Variants in TRMT2B observed in about 807,000 individuals in gnomAD.
TRMT2B encodes the protein tRNA methyltransferase 2B, also known as tRNA (uracil-5-)-methyltransferase homolog B.
A neutral mutation model predicts 39.7 loss-of-function variants in TRMT2B; 34 were observed. That is an observed-to-expected ratio of 0.86 (90% CI 0.65 to 1.14). The LOEUF (loss-of-function observed/expected upper bound fraction) is 1.14, where lower values mean the gene tolerates loss of function less well. Ranked by LOEUF, TRMT2B falls within the 50% of genes most tolerant of loss-of-function variation. TRMT2B has a pLI of 0.00. For missense variants in TRMT2B, 318 were observed against 377.2 expected (o/e 0.84, Z 1.30); for synonymous variants, 132 against 137.3 (o/e 0.96, Z 0.27).
chrX:101,030,451 A>ATTTTTTTTTT (rs1248355991), intron 7 of TRMT2B, among the ~76,000 whole-genome samples: 6 of 46,566 alleles, frequency 1.3e-4, no homozygotes, highest in Non-Finnish European at 2.4e-4. Flanking sequence ...ATAGATCTGC[A>ATTTTTTTTTT]TTCTTTTTTT....
intron 7 of TRMT2B, among the ~76,000 whole-genome samples, chrX:101,034,696 C>T (rs936707260): frequency 2.7e-5 from 3 of 111,186 alleles, no homozygotes; most frequent in African/African-American, 9.8e-5. Context: ...GGCTTAACTA[C>T]AGAGTGGAAT....
chrX:101,010,294 C>T lies in TRMT2B; in HGVS notation c.*287G>A, dbSNP rs2086196493. On this transcript the variant is annotated 3_prime_UTR_variant, in exon 14 of 14. Coordinates refer to ENST00000372936, the MANE Select transcript of TRMT2B (RefSeq NM_024917.6). ...GGGCATGGTGGCACGCACCTTTAAT[C>T]CTAGCTACTGGGGAAGCTGAGGCAC... 1 of 233,092 alleles carries T rather than the reference C, an allele frequency of 4.3e-6. No individual in the cohort carries two copies. Among genetic ancestry groups the T allele is most frequent in the Non-Finnish European group, 7.8e-6 (1 of 128,647 alleles). The allele number at this position is 233,092 out of a possible 1,213,427, so 19.2% of individuals were successfully genotyped here.
At chrX:100,988,347 CT>C in the TRMT2B span, 3 of 1,204,978 alleles carry the variant, frequency 2.5e-6, no homozygotes, top group East Asian at 5.9e-5. Context: ...CACCAACTAA[CT>C]TTCCCCCCCA....
chrX:101,031,728 C>G (rs1392741889), intron 7 of TRMT2B, among the ~76,000 whole-genome samples: 23 of 102,899 alleles, frequency 2.2e-4, no homozygotes, highest in Non-Finnish European at 4.4e-4. Flanking sequence ...AAAAAAAAAG[C>G]AAATAGAAAG....
intron 2 of TRMT2B, among the ~76,000 whole-genome samples, chrX:101,048,732 A>C (rs937028336): frequency 2.7e-5 from 3 of 112,576 alleles, no homozygotes; most frequent in African/African-American, 9.7e-5. Context: ...GAGCCACCAC[A>C]TTCGGCTGGA....
At chrX:101,009,050 C>A (rs901156926), downstream of TRMT2B, among the ~76,000 whole-genome samples, 2 of 111,434 alleles carry the variant, frequency 1.8e-5, no homozygotes, top group African/African-American at 6.5e-5. Flanking sequence ...TTTTCCTGAG[C>A]CTCTCCTGTG....
Position 101,051,596 on chromosome X carries a change from G to A in TRMT2B, c.-369C>T. On this transcript the variant is annotated 5_prime_UTR_variant, in exon 2 of 14. Transcript: ENST00000372936. Reference sequence around the variant, plus strand: ...AGGGCCCGGGAAGGACAGAAAGTAAGGGAGTGGGAGGAGTTAGGGCACAGG... The same window carrying A: ...AGGGCCCGGGAAGGACAGAAAGTAAAGGAGTGGGAGGAGTTAGGGCACAGG... The A allele has an allele frequency of 1.3e-6, 1 of 754,877 alleles. No individual in the cohort carries two copies. Among genetic ancestry groups the A allele is most frequent in the African/African-American group, 2.3e-5 (1 of 43,970 alleles). 62.2% of individuals were successfully genotyped at this position (754,877 alleles called of 1,213,427 possible).
intron 10 of TRMT2B, among the ~76,000 whole-genome samples, 167 bp from the exon 11 acceptor site, chrX:101,020,755 G>A (rs2086760442): frequency 1.8e-5 from 2 of 111,857 alleles, no homozygotes; most frequent in African/African-American, 6.5e-5. Context: ...CTGCAGCCTC[G>A]ACCTCCCGGG....
chrX:100,981,569 C>G, the TRMT2B span, among the ~76,000 whole-genome samples: 1 of 106,093 alleles, frequency 9.4e-6, no homozygotes, highest in Non-Finnish European at 1.9e-5. Flanking sequence ...TTTGAGAGGC[C>G]AAGGCAGGCA....
rs754154431 is a variant in TRMT2B, at chrX:101,046,866, C to T, written c.-24+4385G>A. On this transcript the variant is annotated intron_variant, in intron 2 of 13. Transcript: ENST00000372936. ...GCTTGAACCCGGGAGGTGGAGGTTG[C>T]GGTGAGCCGAGATCACGCCATTGCA... Among the ~76,000 whole-genome samples, 5 of 110,758 alleles carry T rather than the reference C, an allele frequency of 4.5e-5. No homozygotes were observed. In the South Asian group the frequency reaches 1.9e-3, roughly 43 times the overall value.
At chrX:101,004,060 G>T in the TRMT2B span, among the ~76,000 whole-genome samples, 3 of 110,764 alleles carry the variant, frequency 2.7e-5, no homozygotes, top group African/African-American at 9.9e-5. Flanking sequence ...GAAATACAGT[G>T]GTAAAACCAT....
chrX:101,006,212 A>C (rs908745325), downstream of TRMT2B, among the ~76,000 whole-genome samples: 4 of 111,338 alleles, frequency 3.6e-5, no homozygotes, highest in African/African-American at 1.3e-4. Context: ...CCTGGGTGAC[A>C]GAGTGAGACT....
intron 11 of TRMT2B, among the ~76,000 whole-genome samples, chrX:101,020,182 C>A (rs751540582): frequency 9.0e-6 from 1 of 111,634 alleles, no homozygotes; most frequent in Non-Finnish European, 1.9e-5. Context: ...TATAAGGCCT[C>A]GTGAGTCTAA....
the TRMT2B span, among the ~76,000 whole-genome samples, chrX:100,983,686 G>A: frequency 1.8e-5 from 2 of 111,490 alleles, no homozygotes; most frequent in South Asian, 7.5e-4. Context: ...GTCTAATACA[G>A]ATATAGCAAA....
chrX:101,002,329 C>G, the TRMT2B span, among the ~76,000 whole-genome samples: 1 of 112,030 alleles, frequency 8.9e-6, no homozygotes, highest in Admixed American at 9.5e-5. Context: ...GTGCATTTAC[C>G]ATACAGTCAC....
intron 7 of TRMT2B, among the ~76,000 whole-genome samples, chrX:101,035,406 T>C (rs775174877): frequency 8.0e-5 from 9 of 111,972 alleles, no homozygotes; most frequent in Admixed American, 2.9e-4. Context: ...CTTACAATAA[T>C]GGACACAGTT....
chrX:100,985,588 G>A, the TRMT2B span: 22 of 1,107,697 alleles, frequency 2.0e-5, no homozygotes, highest in Admixed American at 5.6e-5. Flanking sequence ...GCATGAAATC[G>A]GAACCGACTC....
chrX:100,998,797 G>T, the TRMT2B span, among the ~76,000 whole-genome samples: 2 of 110,781 alleles, frequency 1.8e-5, no homozygotes, highest in African/African-American at 6.6e-5. Context: ...GGCCAGGTCA[G>T]CCTGACTCCA....
chrX:100,977,570 G>A, the TRMT2B span, among the ~76,000 whole-genome samples: 1 of 109,490 alleles, frequency 9.1e-6, no homozygotes, highest in Non-Finnish European at 1.9e-5. Flanking sequence ...TATTAGAGAC[G>A]AGGTCTCACC....
Sources: gnomAD v4.1 joint callset for allele counts (sites outside exome capture counted in the v4.1 genomes callset) on GRCh38, gnomAD v4.1.1 for gene constraint, MANE v1.5 for transcripts, NCBI Gene and HGNC (gene_info 2026-07-23, HGNC 2026-07-21) for gene names.